Variants in FAT3 observed in about 807,000 individuals in gnomAD.
The protein encoded by FAT3 is FAT atypical cadherin 3.
In FAT3, 95 loss-of-function variants were observed where a neutral mutation model predicts 310.2. That is an observed-to-expected ratio of 0.31 (90% CI 0.26 to 0.36). The LOEUF (loss-of-function observed/expected upper bound fraction) is 0.36, where lower values mean the gene tolerates loss of function less well. Among genes scored for constraint, FAT3 ranks in the 10% least tolerant of loss-of-function variants. The pLI is 1.00. For missense variants in FAT3, 5,408 were observed against 5,715.6 expected (o/e 0.95, Z 1.74); for synonymous variants, 2,314 against 2,192.9 (o/e 1.06, Z -1.54).
intron 1 of FAT3, among the ~76,000 whole-genome samples, chr11:92,298,095 G>A (rs1317456115): frequency 4.6e-5 from 7 of 152,082 alleles, no homozygotes; most frequent in African/African-American, 1.2e-4. Context: ...CCAGCTGGTG[G>A]AGATGGGTAA....
At chr11:92,385,495 G>C (rs1949596524) in intron 2 of FAT3, among the ~76,000 whole-genome samples, 1 of 152,122 alleles carries the variant, frequency 6.6e-6, no homozygotes, top group Admixed American at 6.5e-5. Context: ...AGCCTCCCAA[G>C]TAGCTGGGAT....
At chr11:92,884,329 AGGCTTTCTTCCCAAAAAG>A (rs1949749912) in intron 24 of FAT3, among the ~76,000 whole-genome samples, 1 of 152,174 alleles carries the variant, frequency 6.6e-6, no homozygotes, top group South Asian at 2.1e-4. Context: ...GAAATTGAAC[AGGCTTTCTTCCCAAAAAG>A]GGAAGAAAGC....
chr11:92,583,645 C>G (rs1193576567), intron 3 of FAT3, among the ~76,000 whole-genome samples: 1 of 151,820 alleles, frequency 6.6e-6, no homozygotes, highest in Non-Finnish European at 1.5e-5. Context: ...CCCGCTTTAC[C>G]CAGCCCTGCC....
Position 92,272,495 on chromosome 11 carries a change from A to T in FAT3, c.-18+47321A>T, listed in dbSNP as rs897477419. On this transcript the variant is annotated intron_variant, in intron 1 of 27. Transcript: ENST00000525166. ...GAGACATGGATCCTATTGCTCAAGG[A>T]GCTTCTAATGAATAATATAATATAA... Among the ~76,000 whole-genome samples, 4 of 152,210 alleles carry T rather than the reference A, an allele frequency of 2.6e-5. No individual in the cohort carries two copies. The South Asian group carries it at 8.3e-4, about 32-fold the overall frequency.
At chr11:92,633,858 G>T (rs570895223) in intron 3 of FAT3, among the ~76,000 whole-genome samples, 1 of 152,280 alleles carries the variant, frequency 6.6e-6, no homozygotes, top group South Asian at 2.1e-4. Flanking sequence ...TTCATCTTCT[G>T]CCTGCCTGTC....
At chr11:92,715,362 C>T (rs1350474594) in intron 4 of FAT3, among the ~76,000 whole-genome samples, 3 of 151,480 alleles carry the variant, frequency 2.0e-5, no homozygotes, top group Admixed American at 6.6e-5. Context: ...GAACCAAGAT[C>T]GCACCACTGC....
chr11:92,527,591 A>G (rs576038247), intron 3 of FAT3, among the ~76,000 whole-genome samples: 19 of 152,266 alleles, frequency 1.2e-4, no homozygotes, highest in African/African-American at 2.9e-4. Context: ...TGTTATGCCT[A>G]TTTCTAATGA....
intron 3 of FAT3, among the ~76,000 whole-genome samples, chr11:92,557,898 G>A (rs1955078809): frequency 6.6e-6 from 1 of 152,204 alleles, no homozygotes; most frequent in Non-Finnish European, 1.5e-5. Flanking sequence ...TATTTGGAGT[G>A]AAGATTCACC....
chr11:92,364,404 T>C (rs891325964), intron 2 of FAT3, among the ~76,000 whole-genome samples: 8 of 152,228 alleles, frequency 5.3e-5, no homozygotes, highest in African/African-American at 1.9e-4. Context: ...GGCAGTGGGA[T>C]AAATTTATTG....
At chr11:92,237,645 C>A (rs1034380863) in intron 1 of FAT3, among the ~76,000 whole-genome samples, 3 of 152,198 alleles carry the variant, frequency 2.0e-5, no homozygotes, top group South Asian at 4.1e-4. Context: ...TCACAGAAGA[C>A]CTGTCATCTG....
intron 2 of FAT3, among the ~76,000 whole-genome samples, chr11:92,365,054 G>A (rs1948981879): frequency 6.6e-6 from 1 of 152,114 alleles, no homozygotes; most frequent in South Asian, 2.1e-4. Flanking sequence ...GATTCCAGGA[G>A]TTCATGACTA....
At chr11:92,788,766 A>G (rs1946963410) in intron 7 of FAT3, among the ~76,000 whole-genome samples, 1 of 152,192 alleles carries the variant, frequency 6.6e-6, no homozygotes, top group Non-Finnish European at 1.5e-5. Flanking sequence ...ACAGAGGGAC[A>G]TGTAAAACAA....
chr11:92,733,695 G>A (rs1053335542), intron 4 of FAT3, among the ~76,000 whole-genome samples: 22 of 151,996 alleles, frequency 1.4e-4, no homozygotes, highest in African/African-American at 5.1e-4. Context: ...GAAGATATGA[G>A]TTGAGTTTGG....
At chr11:92,386,064 CT>C (rs11333734) in intron 2 of FAT3, among the ~76,000 whole-genome samples, 17,400 of 152,106 alleles carry the variant, frequency 0.11, 1,049 homozygotes, top group South Asian at 0.18. Flanking sequence ...GGAAGGATCG[CT>C]TGAGCCTGGG....
intron 2 of FAT3, among the ~76,000 whole-genome samples, chr11:92,501,232 T>C (rs1200764557): frequency 4.6e-5 from 7 of 152,102 alleles, no homozygotes; most frequent in Non-Finnish European, 1.5e-5. Flanking sequence ...GTTTGCTTTC[T>C]GGCTGTATGG....
At chr11:92,480,905 C>T (rs774626652) in intron 2 of FAT3, among the ~76,000 whole-genome samples, 5 of 152,232 alleles carry the variant, frequency 3.3e-5, no homozygotes, top group African/African-American at 4.8e-5. Context: ...GCCCAGCAAA[C>T]GTTTGTTGTG....
intron 1 of FAT3, among the ~76,000 whole-genome samples, chr11:92,258,708 G>C (rs1865413535): frequency 6.6e-6 from 1 of 152,064 alleles, no homozygotes. Context: ...ATTATGATGA[G>C]AACCATGATT....
chr11:92,644,112 G>A (rs893765510), intron 3 of FAT3, among the ~76,000 whole-genome samples: 1 of 152,206 alleles, frequency 6.6e-6, no homozygotes, highest in African/African-American at 2.4e-5. Context: ...CCAGGGCCGG[G>A]GGCCAAGGTG....
At chr11:92,758,900 A>G (rs1482357485) in intron 4 of FAT3, among the ~76,000 whole-genome samples, 1 of 152,160 alleles carries the variant, frequency 6.6e-6, no homozygotes, top group Non-Finnish European at 1.5e-5. Flanking sequence ...TAGGGGTGCC[A>G]TTTATTAAGA....
Sources: allele counts gnomAD v4.1 joint callset (sites outside exome capture counted in the v4.1 genomes callset), GRCh38; gene constraint gnomAD v4.1.1; transcripts MANE v1.5; gene names NCBI Gene and HGNC (gene_info 2026-07-23, HGNC 2026-07-21).